The following CDK6 variants were observed in gnomAD, a reference collection of about 807,000 sequenced individuals.
The protein encoded by CDK6 is cyclin-dependent kinase 6.
Under a neutral mutation model 37.1 loss-of-function variants are expected in CDK6, and 6 were observed. The ratio of observed to expected loss-of-function variants is 0.16; its 90% confidence interval spans 0.09 to 0.32. The LOEUF (loss-of-function observed/expected upper bound fraction) is 0.32, where lower values mean the gene tolerates loss of function less well. Among genes scored for constraint, CDK6 ranks in the 10% least tolerant of loss-of-function variants. CDK6 has a pLI of 1.00. For synonymous variants in CDK6, 160 were observed against 161.3 expected, an observed-to-expected ratio of 0.99 and a Z score of 0.06; for missense variants, 224 against 418.9, an observed-to-expected ratio of 0.53 and a Z score of 4.06.
At chr7:92,791,380 A>C (rs1800278555) in intron 2 of CDK6, among the ~76,000 whole-genome samples, 1 of 152,128 alleles carries the variant, frequency 6.6e-6, no homozygotes, top group Admixed American at 6.6e-5. Context: ...TATCAATATC[A>C]CTTCATAAAT....
chr7:92,789,602 T>C (rs890653692), intron 2 of CDK6, among the ~76,000 whole-genome samples: 1 of 152,222 alleles, frequency 6.6e-6, no homozygotes, highest in Admixed American at 6.5e-5. Flanking sequence ...AAGTTGAAGA[T>C]GTTAATTGTA....
At chr7:92,777,821 G>A (rs1799888686) in intron 2 of CDK6, among the ~76,000 whole-genome samples, 1 of 152,138 alleles carries the variant, frequency 6.6e-6, no homozygotes, top group South Asian at 2.1e-4. Flanking sequence ...ATTACTTTAG[G>A]CAGTATGGCG....
rs78545854 is a variant in CDK6 at position 92,609,728 on chromosome 7, A to G, written c.*5412T>C. 38 of 231,048 alleles carry G rather than the reference A, an allele frequency of 1.6e-4. No homozygotes were observed. The East Asian group carries it at 2.4e-3, about 14-fold the overall frequency. 14.3% of individuals were successfully genotyped at this position (231,048 alleles called of 1,614,324 possible). ...GGAGTTTTATACTTCTAACGAAACT[A>G]TCCTGTTCACAGATGAGGACTGCCT... On this transcript the variant is annotated 3_prime_UTR_variant, in exon 8 of 8. Coordinates refer to ENST00000424848, the MANE Select transcript of CDK6 (RefSeq NM_001145306.2).
In CDK6 at chr7:92,711,035, C is replaced by T. The variant is rs138795616; in HGVS notation, c.537+14591G>A. On this transcript the variant is annotated intron_variant, in intron 4 of 7. Coordinates refer to ENST00000424848, the MANE Select transcript of CDK6 (RefSeq NM_001145306.2). ...CAGTTAAGGAGTGCAGGAGTAGGAG[C>T]TGAAACCCTTTTGGAGAACAATTTG... 5.8e-4 allele frequency among the ~76,000 whole-genome samples: 89 copies of T among 152,312 alleles called. 3 individuals carry two copies. In the East Asian group the frequency reaches 0.016, roughly 27 times the overall value.
intron 2 of CDK6, among the ~76,000 whole-genome samples, chr7:92,795,025 A>G (rs958758910): frequency 2.6e-5 from 4 of 152,158 alleles, no homozygotes; most frequent in South Asian, 2.1e-4. Flanking sequence ...ATTTGGTCAT[A>G]TAAGTTCTTG....
At chr7:92,829,469 G>A (rs907723729) in intron 2 of CDK6, among the ~76,000 whole-genome samples, 5 of 152,162 alleles carry the variant, frequency 3.3e-5, no homozygotes, top group African/African-American at 1.2e-4. Flanking sequence ...TCATGTATCA[G>A]GGTTATGGTG....
intron 3 of CDK6, among the ~76,000 whole-genome samples, chr7:92,736,952 T>G (rs893814109): frequency 7.2e-5 from 11 of 152,240 alleles, no homozygotes; most frequent in Admixed American, 6.5e-4. Context: ...TGGCCCATCT[T>G]TGGAGAGCTC....
At chr7:92,781,805 G>A (rs937431425) in intron 2 of CDK6, among the ~76,000 whole-genome samples, 3 of 152,124 alleles carry the variant, frequency 2.0e-5, no homozygotes, top group Admixed American at 2.0e-4. Flanking sequence ...ATTTGGAATC[G>A]AGAAGAATTT....
In CDK6 at chr7:92,607,710, G is replaced by A; in HGVS notation, c.*7430C>T. 1 of 231,542 alleles carries A rather than the reference G, an allele frequency of 4.3e-6. No homozygotes were observed. Among genetic ancestry groups the A allele is most frequent in the African/African-American group, 2.2e-5 (1 of 45,270 alleles). The allele number at this position is 231,542 out of a possible 1,614,324, so 14.3% of individuals were successfully genotyped here. On this transcript the variant is annotated 3_prime_UTR_variant, in exon 8 of 8. Coordinates refer to ENST00000424848, the MANE Select transcript of CDK6 (RefSeq NM_001145306.2). ...AATAGAAATAATTTATGCAAATGTA[G>A]AACAACTTGAAAAAAAATCCCCCGC...
At chr7:92,826,140 A>C (rs923524872) in intron 2 of CDK6, among the ~76,000 whole-genome samples, 2 of 152,098 alleles carry the variant, frequency 1.3e-5, no homozygotes, top group African/African-American at 4.8e-5. Context: ...GATTTCACTC[A>C]CTTGTTACGT....
intron 5 of CDK6, among the ~76,000 whole-genome samples, chr7:92,624,538 C>CTTTTGTTGGTTAAGCAATCCAGTCTGGTA (rs1795880264): frequency 2.0e-5 from 3 of 152,046 alleles, no homozygotes; most frequent in African/African-American, 7.2e-5. Flanking sequence ...AGAAAATAAG[C>CTTTTGTTGGTTAAGCAATCCAGTCTGGTA]TTTTGTTGGT....
chr7:92,720,112 G>A (rs1202200997), intron 4 of CDK6, among the ~76,000 whole-genome samples: 1 of 152,136 alleles, frequency 6.6e-6, no homozygotes, highest in Non-Finnish European at 1.5e-5. Context: ...AAAACCAGGA[G>A]GCACCAGTTC....
chr7:92,829,184 T>C (rs1339314856), intron 2 of CDK6, among the ~76,000 whole-genome samples: 2 of 152,196 alleles, frequency 1.3e-5, no homozygotes, highest in Non-Finnish European at 2.9e-5. Flanking sequence ...ATTACTAAGA[T>C]CTTTAAAAAA....
chr7:92,614,843 AAAATC>A lies in CDK6; in HGVS notation c.*292_*296del. On this transcript the variant is annotated 3_prime_UTR_variant, in exon 8 of 8. Coordinates refer to ENST00000424848, the MANE Select transcript of CDK6 (RefSeq NM_001145306.2). ...CACACTGGCAGCATTCAAGGTTAGA[AAAATC>A]AAATGGCAGCACAATTGGTCAGCAG... The A allele has an allele frequency of 2.6e-6, 1 of 390,566 alleles. No homozygotes were observed. 24.2% of individuals were successfully genotyped at this position (390,566 alleles called of 1,614,324 possible).
chr7:92,702,831 G>C (rs764805401), intron 4 of CDK6, among the ~76,000 whole-genome samples: 17 of 152,124 alleles, frequency 1.1e-4, no homozygotes, highest in Admixed American at 2.0e-4. Context: ...GCATAACTAT[G>C]TTAAGGGGTT....
intron 4 of CDK6, chr7:92,725,210 C>G (rs999646543): frequency 1.1e-5 from 11 of 985,280 alleles, no homozygotes; most frequent in African/African-American, 1.7e-5. Context: ...CATTAACAAA[C>G]CTGTGTAGGC....
intron 4 of CDK6, chr7:92,725,087 A>C: frequency 1.0e-6 from 1 of 985,418 alleles, no homozygotes; most frequent in South Asian, 4.7e-5. Flanking sequence ...CTTTCTATTC[A>C]GGGTTATATG....
intron 3 of CDK6, among the ~76,000 whole-genome samples, chr7:92,738,561 C>A (rs1395940333): frequency 6.6e-6 from 1 of 151,854 alleles, no homozygotes; most frequent in African/African-American, 2.4e-5. Flanking sequence ...CTCGCTTGAA[C>A]CCTGGAGGTG....
intron 5 of CDK6, among the ~76,000 whole-genome samples, chr7:92,644,593 A>T (rs1230031728): frequency 5.9e-5 from 9 of 152,190 alleles, no homozygotes; most frequent in African/African-American, 1.9e-4. Context: ...CTCCTGATGC[A>T]TGTAATAAGT....
Sources: gnomAD v4.1 joint callset for allele counts (sites outside exome capture counted in the v4.1 genomes callset) on GRCh38, gnomAD v4.1.1 for gene constraint, MANE v1.5 for transcripts, NCBI Gene and HGNC (gene_info 2026-07-23, HGNC 2026-07-21) for gene names.